FLI1: variants seen among roughly 807,000 people sequenced by gnomAD.
FLI1 encodes the protein Friend leukemia integration 1 transcription factor.
In FLI1, 13 loss-of-function variants were observed where a neutral mutation model predicts 53.1. The ratio of observed to expected loss-of-function variants is 0.24; its 90% confidence interval spans 0.16 to 0.39. The LOEUF is 0.39. Ranked by LOEUF, FLI1 falls within the 10% of genes least tolerant of loss-of-function variation. FLI1 has a pLI of 1.00. For missense variants in FLI1, 424 were observed against 600.5 expected (o/e 0.71, Z 3.07); for synonymous variants, 244 against 236.7 (o/e 1.03, Z -0.28).
chr11:128,773,033 G>A (rs1019108298), intron 4 of FLI1, 48 bp downstream of exon 4: 16 of 1,555,240 alleles, frequency 1.0e-5, no homozygotes, highest in Admixed American at 5.0e-5. Flanking sequence ...TTGGCATGGA[G>A]CCAACCCAGG....
intron 2 of FLI1, among the ~76,000 whole-genome samples, chr11:128,764,148 A>T (rs896394158): frequency 1.3e-4 from 20 of 152,226 alleles, no homozygotes; most frequent in African/African-American, 4.8e-4. Flanking sequence ...GTTGACTAGG[A>T]AGGTAGAGAA....
At chr11:128,798,254 A>G (rs1280633747) in intron 5 of FLI1, among the ~76,000 whole-genome samples, 2 of 152,190 alleles carry the variant, frequency 1.3e-5, no homozygotes, top group African/African-American at 2.4e-5. Flanking sequence ...TCTAGTCAGT[A>G]TGAATTGCTA....
At chr11:128,754,940 A>G (rs1478304027) in intron 1 of FLI1, among the ~76,000 whole-genome samples, 1 of 152,212 alleles carries the variant, frequency 6.6e-6, no homozygotes, top group Non-Finnish European at 1.5e-5. Flanking sequence ...AATGAGTTCA[A>G]ACTGGTTTTG....
chr11:128,764,648 C>G lies in FLI1; in HGVS notation c.231-3470C>G, dbSNP rs554940769. 8.5e-6 allele frequency: 13 copies of G among 1,532,302 alleles called. No homozygotes were observed. The East Asian group carries it at 9.8e-5, about 12-fold the overall frequency. The allele number at this position is 1,532,302 out of a possible 1,614,324, so 94.9% of individuals were successfully genotyped here. A position where few individuals can be genotyped will look rare whatever the true frequency, so the allele number is the denominator to read the frequency against. Reference sequence around the variant, plus strand: ...TCTTGTTTTCATCAAGCCTTCTTCACAGGCGCCAGCTGCCTCATTAAAGAG... The same window carrying G: ...TCTTGTTTTCATCAAGCCTTCTTCAGAGGCGCCAGCTGCCTCATTAAAGAG... On this transcript the variant is annotated intron_variant, in intron 2 of 8. Transcript: ENST00000527786.
At chr11:128,741,555 G>C (rs568226454) in intron 1 of FLI1, among the ~76,000 whole-genome samples, 1 of 152,348 alleles carries the variant, frequency 6.6e-6, no homozygotes, top group Admixed American at 6.5e-5. Context: ...TCAGGACCCT[G>C]CAGTGAGAGC....
At chr11:128,792,401 A>G (rs1942299500) in intron 5 of FLI1, among the ~76,000 whole-genome samples, 1 of 152,262 alleles carries the variant, frequency 6.6e-6, no homozygotes, top group South Asian at 2.1e-4. Flanking sequence ...CATTTCAAGA[A>G]GCAATCTAGC....
Position 128,784,268 on chromosome 11 carries a change from C to CCTGCTGCTG in FLI1, c.655+2251_655+2252insCTGCTGCTG, listed in dbSNP as rs1555122623. 4.6e-3 allele frequency among the ~76,000 whole-genome samples: 599 copies of CCTGCTGCTG among 130,248 alleles called. 20 individuals carry two copies. The highest frequency in any genetic ancestry group is 0.024 in the East Asian group (99 of 4,102). The allele number at this position is 130,248 out of a possible 152,430, so 85.4% of individuals were successfully genotyped here. ...TCCTCCTCCTCCTCCTCCTCCTCCT[C>CCTGCTGCTG]CTGCTGTCTTATTGTTCAGCCGTGT... is the stretch of plus-strand genomic sequence containing the variant. On this transcript the variant is annotated intron_variant, in intron 5 of 8. Coordinates refer to ENST00000527786, the MANE Select transcript of FLI1 (RefSeq NM_002017.5).
chr11:128,753,738 T>A (rs1303463791), intron 1 of FLI1, among the ~76,000 whole-genome samples: 4 of 152,214 alleles, frequency 2.6e-5, no homozygotes, highest in Admixed American at 2.6e-4. Context: ...GCTCAGCAGC[T>A]CCTCGCCTGC....
At chr11:128,722,999 C>T (rs1463370880) in intron 1 of FLI1, among the ~76,000 whole-genome samples, 2 of 152,116 alleles carry the variant, frequency 1.3e-5, no homozygotes, top group African/African-American at 2.4e-5. Context: ...CCAGCATGAT[C>T]GGGTTCTAGT....
chr11:128,685,361 A>G (rs1305589179), upstream of FLI1, among the ~76,000 whole-genome samples: 1 of 152,176 alleles, frequency 6.6e-6, no homozygotes, highest in Non-Finnish European at 1.5e-5. Context: ...TTAGCAGGAA[A>G]GGGTGCCTAA....
intron 1 of FLI1, among the ~76,000 whole-genome samples, chr11:128,731,758 T>G (rs1939708334): frequency 6.6e-6 from 1 of 152,130 alleles, no homozygotes; most frequent in South Asian, 2.1e-4. Context: ...AATCCAGCAC[T>G]TTGGGAGGCG....
At chr11:128,764,035 C>T (rs187256661) in intron 2 of FLI1, among the ~76,000 whole-genome samples, 12 of 152,274 alleles carry the variant, frequency 7.9e-5, no homozygotes, top group African/African-American at 1.9e-4. Flanking sequence ...TTAGGCAGCC[C>T]GCGAGGCCTC....
At chr11:128,754,235 ATGTGTGTGTGTGTGTG>A (rs57171401) in intron 1 of FLI1, among the ~76,000 whole-genome samples, 4 of 145,682 alleles carry the variant, frequency 2.7e-5, no homozygotes, top group Admixed American at 6.8e-5. Flanking sequence ...TAGAAGGGGG[ATGTGTGTGTGTGTGTG>A]TGTGTGTGTG....
chr11:128,739,796 G>A (rs1010141207), intron 1 of FLI1, among the ~76,000 whole-genome samples: 12 of 152,206 alleles, frequency 7.9e-5, no homozygotes, highest in African/African-American at 2.9e-4. Flanking sequence ...AGATCGACAA[G>A]ACAGACTGTT....
In FLI1 at chr11:128,694,107, G is replaced by A. The variant is rs989273541; in HGVS notation, c.-152G>A. 1.6e-6 allele frequency: 1 copy of A among 618,700 alleles called. No individual in the cohort carries two copies. Among genetic ancestry groups the A allele is most frequent in the Non-Finnish European group, 2.6e-6 (1 of 383,180 alleles). 38.3% of individuals were successfully genotyped at this position (618,700 alleles called of 1,614,324 possible). A position where few individuals can be genotyped will look rare whatever the true frequency, so the allele number is the denominator to read the frequency against. ...CCGCTACAACAACAAACGTGCACAG[G>A]GGAGTGAGGGCAGGGCGCTCGCAGG... On this transcript the variant is annotated 5_prime_UTR_variant, in exon 1 of 9. Coordinates refer to ENST00000527786, the MANE Select transcript of FLI1 (RefSeq NM_002017.5).
intron 1 of FLI1, among the ~76,000 whole-genome samples, chr11:128,714,205 GAAAAAAAAAAAA>G (rs11301098): frequency 2.1e-5 from 2 of 97,480 alleles, no homozygotes; most frequent in Non-Finnish European, 4.3e-5. Context: ...TCACTGGCCA[GAAAAAAAAAAAA>G]AAAAAAAAAC....
intron 1 of FLI1, among the ~76,000 whole-genome samples, chr11:128,694,778 A>G (rs565142975): frequency 7.2e-5 from 11 of 152,202 alleles, no homozygotes; most frequent in African/African-American, 1.9e-4. Flanking sequence ...GCCTCGTTGC[A>G]CGAGGGTAGG....
chr11:128,697,054 C>T (rs1177068793), intron 1 of FLI1, among the ~76,000 whole-genome samples: 1 of 152,156 alleles, frequency 6.6e-6, no homozygotes, highest in Non-Finnish European at 1.5e-5. Flanking sequence ...GCAATATTTG[C>T]TGGAGCCACG....
chr11:128,806,468 T>A (rs1383739823), intron 6 of FLI1: 1 of 152,152 alleles, frequency 6.6e-6, no homozygotes, highest in Admixed American at 6.5e-5. Flanking sequence ...GAGCTTAGGA[T>A]GTGTGATGCA....
Sources: gnomAD v4.1 joint callset for allele counts (sites outside exome capture counted in the v4.1 genomes callset) on GRCh38, gnomAD v4.1.1 for gene constraint, MANE v1.5 for transcripts, NCBI Gene and HGNC (gene_info 2026-07-23, HGNC 2026-07-21) for gene names.